NELL1: variants seen among roughly 807,000 people sequenced by gnomAD.
NELL1 encodes protein kinase C-binding protein NELL1.
In NELL1, 76 loss-of-function variants were observed where a neutral mutation model predicts 107.4. The ratio of observed to expected loss-of-function variants is 0.71; its 90% CI spans 0.59 to 0.86. The LOEUF is 0.86. Ranked by LOEUF, NELL1 falls within the 40% of genes least tolerant of loss-of-function variation. NELL1 has a pLI of 0.00. For synonymous variants in NELL1, 353 were observed against 341.2 expected (o/e 1.03, Z -0.38); for missense variants, 1,024 against 1,005.5 (o/e 1.02, Z -0.25).
At chr11:21,574,858 G>C in intron 19 of NELL1, 114 bp from the exon 20 acceptor site, 1 of 798,012 alleles carries the variant, frequency 1.3e-6, no homozygotes, top group Non-Finnish European at 2.1e-6. Context: ...ATTTTTTATA[G>C]CCTTCTTGAA....
intron 3 of NELL1, among the ~76,000 whole-genome samples, chr11:20,817,545 A>G (rs1391704987): frequency 1.3e-5 from 2 of 151,802 alleles, no homozygotes; most frequent in Non-Finnish European, 2.9e-5. Flanking sequence ...TTGTTAGTGT[A>G]GCTAGCAGTC....
intron 14 of NELL1, among the ~76,000 whole-genome samples, chr11:21,346,999 T>C (rs898205863): frequency 1.3e-5 from 2 of 152,158 alleles, no homozygotes; most frequent in African/African-American, 4.8e-5. Flanking sequence ...CTTAAGACAA[T>C]CTTTGGCAAA....
intron 12 of NELL1, among the ~76,000 whole-genome samples, chr11:21,056,059 C>T (rs1353960157): frequency 1.3e-5 from 2 of 152,100 alleles, no homozygotes; most frequent in Non-Finnish European, 2.9e-5. Flanking sequence ...TGCATTTAAT[C>T]TTCACAACAT....
At chr11:20,793,776 C>A (rs1042921687) in intron 3 of NELL1, among the ~76,000 whole-genome samples, 1 of 152,044 alleles carries the variant, frequency 6.6e-6, no homozygotes, top group East Asian at 1.9e-4. Context: ...ATTAAAAATG[C>A]TTAATGGGTG....
intron 2 of NELL1, among the ~76,000 whole-genome samples, chr11:20,713,993 C>T (rs1029109435): frequency 2.6e-5 from 4 of 152,060 alleles, no homozygotes; most frequent in South Asian, 2.1e-4. Context: ...TCTCACCCTT[C>T]GGGAACTCAG....
rs192208714 is a variant in NELL1, at chr11:21,313,456, C to T, written c.1550-57397C>T. Among the ~76,000 whole-genome samples, 879 of 152,264 alleles carry T rather than the reference C, an allele frequency of 5.8e-3. 25 individuals carry two copies. Among genetic ancestry groups the T allele is most frequent in the Non-Finnish European group, 1.4e-3 (92 of 68,016 alleles). ...AGGCATTCAACAAACACTTCTAGAG[C>T]GCCTGTTACAGTGACTGAGGCACAA... is the stretch of plus-strand genomic sequence containing the variant. On this transcript the variant is annotated intron_variant, in intron 14 of 19. Transcript: ENST00000357134.
intron 15 of NELL1, among the ~76,000 whole-genome samples, chr11:21,433,895 G>A (rs1417903045): frequency 2.0e-5 from 3 of 152,104 alleles, no homozygotes; most frequent in Admixed American, 6.5e-5. Flanking sequence ...GGCTGGTCTC[G>A]AACTCCCGGC....
intron 14 of NELL1, among the ~76,000 whole-genome samples, chr11:21,330,837 C>A (rs1345846915): frequency 6.6e-6 from 1 of 151,968 alleles, no homozygotes; most frequent in Non-Finnish European, 1.5e-5. Context: ...CTTCTTCTGG[C>A]ACCCCAATTT....
chr11:20,722,991 G>A lies in NELL1; in HGVS notation c.184+44931G>A, dbSNP rs1247800464. ...CAGGAGAGAGAGAGAATGAGGAAACGCCACACTTTAAAACTATCAGCTCTC... is the reference window on the plus strand; with the variant it reads ...CAGGAGAGAGAGAGAATGAGGAAACACCACACTTTAAAACTATCAGCTCTC... On this transcript the variant is annotated intron_variant, in intron 2 of 19. Coordinates refer to ENST00000357134, the MANE Select transcript of NELL1 (RefSeq NM_006157.5). Among the ~76,000 whole-genome samples, 6 of 152,018 alleles carry A rather than the reference G, an allele frequency of 3.9e-5. No homozygotes were observed. The East Asian group carries it at 7.7e-4, about 20-fold the overall frequency.
intron 13 of NELL1, among the ~76,000 whole-genome samples, chr11:21,122,570 T>C (rs1442343871): frequency 2.6e-5 from 4 of 152,196 alleles, no homozygotes; most frequent in African/African-American, 4.8e-5. Flanking sequence ...TAATTGAGAA[T>C]ATATACTAAC....
intron 13 of NELL1, among the ~76,000 whole-genome samples, chr11:21,168,750 G>C (rs1444613603): frequency 6.6e-6 from 1 of 151,670 alleles, no homozygotes; most frequent in Non-Finnish European, 1.5e-5. Context: ...TTTTCCCCCA[G>C]GTGCTGTTGT....
At chr11:20,893,645 C>T (rs1271304585) in intron 5 of NELL1, among the ~76,000 whole-genome samples, 1 of 150,826 alleles carries the variant, frequency 6.6e-6, no homozygotes, top group Non-Finnish European at 1.5e-5. Context: ...TAAGCCTCAT[C>T]AACCCAAAAT....
At chr11:20,878,358 CAA>C (rs58962461) in intron 4 of NELL1, among the ~76,000 whole-genome samples, 10,207 of 95,708 alleles carry the variant, frequency 0.11, 584 homozygotes, top group Admixed American at 0.27. Context: ...GACCCCGTCT[CAA>C]AAAAAAAAAA....
At chr11:20,707,261 T>A (rs1854989399) in intron 2 of NELL1, among the ~76,000 whole-genome samples, 2 of 152,204 alleles carry the variant, frequency 1.3e-5, no homozygotes, top group Non-Finnish European at 2.9e-5. Context: ...TAGCCATTCA[T>A]CTAATCTTTT....
chr11:21,161,922 A>G (rs1054501398), intron 13 of NELL1, among the ~76,000 whole-genome samples: 8 of 133,116 alleles, frequency 6.0e-5, no homozygotes, highest in Admixed American at 1.5e-4. Flanking sequence ...TCCCTCTCCA[A>G]TCTTTTCTCT....
rs1012573023 is a variant in NELL1, at chr11:20,827,579, C to A, written c.336-20004C>A. Among the ~76,000 whole-genome samples, 3 of 151,088 alleles carry A rather than the reference C, an allele frequency of 2.0e-5. No homozygotes were observed. In the South Asian group the frequency reaches 6.3e-4, roughly 32 times the overall value. ...TATTCCAGGTGTTTCTGAGGGTTGT[C>A]TTTATTCCAGCAACCAGAAAGAGGA... On this transcript the variant is annotated intron_variant, in intron 3 of 19. Transcript: ENST00000357134.
At chr11:21,253,235 G>A (rs1858684431) in intron 14 of NELL1, among the ~76,000 whole-genome samples, 2 of 151,772 alleles carry the variant, frequency 1.3e-5, no homozygotes, top group African/African-American at 2.4e-5. Context: ...TTTAATTCTT[G>A]GAAATCTTTT....
intron 12 of NELL1, among the ~76,000 whole-genome samples, chr11:21,046,299 C>G (rs1853351846): frequency 6.6e-6 from 1 of 152,138 alleles, no homozygotes; most frequent in Non-Finnish European, 1.5e-5. Flanking sequence ...AACTAATCAA[C>G]ATCAAGTTAA....
intron 14 of NELL1, among the ~76,000 whole-genome samples, chr11:21,325,283 G>A (rs2133674941): frequency 6.6e-6 from 1 of 151,994 alleles, no homozygotes; most frequent in South Asian, 2.1e-4. Context: ...AAACATTTAG[G>A]TTGTTTCTGA....
Sources: gnomAD v4.1 joint callset for allele counts (sites outside exome capture counted in the v4.1 genomes callset) on GRCh38, gnomAD v4.1.1 for gene constraint, MANE v1.5 for transcripts, NCBI Gene and HGNC (gene_info 2026-07-23, HGNC 2026-07-21) for gene names.